Variants in ANGPTL3 observed in about 807,000 individuals in gnomAD.
The protein encoded by ANGPTL3 is angiopoietin like 3.
In ANGPTL3, 51 loss-of-function variants were observed where a neutral mutation model predicts 52.7. The ratio of observed to expected loss-of-function variants is 0.97; its 90% CI spans 0.77 to 1.22. The LOEUF is 1.22. Ranked by LOEUF, ANGPTL3 falls within the 50% of genes most tolerant of loss-of-function variation. The probability of loss-of-function intolerance (pLI) is 0.00; values close to 1 mark genes in which losing one functional copy is unlikely to be tolerated. For synonymous variants in ANGPTL3, 185 were observed against 179.8 expected, an observed-to-expected ratio of 1.03 and a Z score of -0.23; for missense variants, 506 against 520.7, an observed-to-expected ratio of 0.97 and a Z score of 0.27.
In ANGPTL3 at chr1:62,601,094, A is replaced by G. The variant is rs1044281821; in HGVS notation, c.619A>G (p.Ser207Gly). Residue 207 changes from serine to glycine, a missense_variant, in exon 3 of 7, where the codon AGT becomes GGT. Transcript: ENST00000371129. ...KEIENQLRRTSIQEPTEISLS... is the reference protein window; with the variant it reads ...KEIENQLRRTGIQEPTEISLS... ...ATTCTTTTATCAGCTCAGAAGGACT[A>G]GTATTCAAGAACCCACAGAAATTTC... 6.3e-7 allele frequency: 1 copy of G among 1,588,632 alleles called. No individual in the cohort carries two copies. The highest frequency in any genetic ancestry group is 1.3e-5 in the African/African-American group (1 of 74,462).
At position 62,604,007 on chromosome 1, in the gene ANGPTL3, G is replaced by C. The variant is rs777157926; in HGVS notation, c.970G>C (p.Val324Leu). The change falls in exon 6 of 7, where the codon GTG becomes CTG. Residue 324 changes from valine to leucine, a missense_variant. By Grantham distance (32) the Val-to-Leu change is conservative. Coordinates refer to ENST00000371129, the MANE Select transcript of ANGPTL3 (RefSeq NM_014495.4). ...WLGLEKIYSI[V>L]KQSNYVLRIE... The stretch of plus-strand genomic sequence containing the variant: ...GGGCCTAGAGAAGATATACTCCATA[G>C]TGAAGCAATCTAATTATGTTTTACG... 1 of 1,613,002 alleles carries C rather than the reference G, an allele frequency of 6.2e-7. No homozygotes were observed. The highest frequency in any genetic ancestry group is 8.5e-7 in the Non-Finnish European group (1 of 1,179,240).
chr1:62,601,893 T>TCTAA lies in ANGPTL3; in HGVS notation c.835+12_835+15dup. On this transcript the variant is annotated intron_variant, in intron 4 of 6. Coordinates refer to ENST00000371129, the MANE Select transcript of ANGPTL3 (RefSeq NM_014495.4). ...GTGATGTTATATCAGGTAAAACCTG[T>TCTAA]CTAAGGAGAATAGACAGTAGTTAGT... 2 of 1,557,856 alleles carry TCTAA rather than the reference T, an allele frequency of 1.3e-6. No individual in the cohort carries two copies. Among genetic ancestry groups the TCTAA allele is most frequent in the Non-Finnish European group, 1.8e-6 (2 of 1,130,480 alleles).
At chr1:62,598,154 T>G in intron 1 of ANGPTL3, 93 bp downstream of exon 1, 1 of 1,181,390 alleles carries the variant, frequency 8.5e-7, no homozygotes, top group Non-Finnish European at 1.1e-6. Flanking sequence ...AAATACTTTG[T>G]TGCATTGTTG....
Position 62,603,998 on chromosome 1 carries a change from T to C in ANGPTL3, c.961T>C (p.Tyr321His), listed in dbSNP as rs747725081. Residue 321 changes from tyrosine (Y) to histidine (H), a missense_variant, in exon 6 of 7, where the codon TAC (tyrosine) becomes CAC (histidine). Coordinates refer to ENST00000371129, the MANE Select transcript of ANGPTL3 (RefSeq NM_014495.4). ...ATTTTGGTTGGGCCTAGAGAAGATATACTCCATAGTGAAGCAATCTAATTA... is the reference window on the plus strand; with the variant it reads ...ATTTTGGTTGGGCCTAGAGAAGATACACTCCATAGTGAAGCAATCTAATTA... ...GEFWLGLEKI[Y>H]SIVKQSNYVL... 6.2e-6 allele frequency: 10 copies of C among 1,613,058 alleles called. No homozygotes were observed. In the East Asian group the frequency reaches 1.3e-4, roughly 22 times the overall value.
chr1:62,602,172 T>C (rs1322255923), intron 4 of ANGPTL3, 113 bp from the exon 5 acceptor site: 7 of 854,674 alleles, frequency 8.2e-6, no homozygotes, highest in African/African-American at 6.8e-5. Flanking sequence ...TGCCATAACA[T>C]TAATAAACTA....
At position 62,598,565 on chromosome 1, in the gene ANGPTL3, G is replaced by C. The variant is rs1224577954; in HGVS notation, c.496-131G>C. ...TGCTATTTGAAAGAAGCATACAAGG[G>C]GAAGGAATTGCCAATATTCATTTTT... On this transcript the variant is annotated intron_variant, in intron 1 of 6. Coordinates refer to ENST00000371129, the MANE Select transcript of ANGPTL3 (RefSeq NM_014495.4). 3 of 658,772 alleles carry C rather than the reference G, an allele frequency of 4.6e-6. No homozygotes were observed. The East Asian group carries it at 8.4e-5, about 18-fold the overall frequency. The allele number at this position is 658,772 out of a possible 1,614,324, so 40.8% of individuals were successfully genotyped here.
At chr1:62,598,596 C>A in intron 1 of ANGPTL3, 100 bp from the exon 2 acceptor site, 2 of 705,536 alleles carry the variant, frequency 2.8e-6, no homozygotes, top group Non-Finnish European at 5.1e-6. Context: ...TTTTTCAAAT[C>A]CATTATTAGT....
At position 62,601,807 on chromosome 1, in the gene ANGPTL3, G is replaced by A; in HGVS notation, c.760G>A (p.Glu254Lys). ...AECTTIYNRG[E>K]HTSGMYAIRP... ...ATGTACCACCATTTATAACAGAGGT[G>A]AACATACAAGTGGCATGTATGCCAT... The change falls in exon 4 of 7, where the codon GAA becomes AAA. Residue 254 changes from glutamate (E) to lysine (K), a missense_variant. Glu to Lys is a moderately conservative substitution (Grantham distance 56, BLOSUM62 1). Transcript: ENST00000371129. The A allele has an allele frequency of 6.2e-7, 1 of 1,609,914 alleles. No homozygotes were observed. The highest frequency in any genetic ancestry group is 1.7e-4 in the Middle Eastern group (1 of 6,042).
chr1:62,598,377 A>T (rs1033754617), intron 1 of ANGPTL3, among the ~76,000 whole-genome samples: 5 of 152,174 alleles, frequency 3.3e-5, no homozygotes, highest in Admixed American at 6.6e-5. Context: ...GTTAAAAAAA[A>T]TTTAAAACTA....
At chr1:62,598,617 A>G in intron 1 of ANGPTL3, 79 bp from the exon 2 acceptor site, 1 of 776,880 alleles carries the variant, frequency 1.3e-6, no homozygotes, top group Non-Finnish European at 2.3e-6. Context: ...TTAAAAATTT[A>G]GATTATGATA....
chr1:62,603,983 G>A lies in ANGPTL3; in HGVS notation c.946G>A (p.Gly316Ser), dbSNP rs1254686966. 3 of 1,612,764 alleles carry A rather than the reference G, an allele frequency of 1.9e-6. No individual in the cohort carries two copies. The highest frequency in any genetic ancestry group is 1.7e-5 in the Admixed American group (1 of 59,900). Residue 316 changes from glycine to serine, a missense_variant, in exon 6 of 7, where the codon GGC (glycine) becomes AGC (serine). Transcript: ENST00000371129. ...TTTCTTTTCAGGAGAATTTTGGTTG[G>A]GCCTAGAGAAGATATACTCCATAGT... ...FGRLDGEFWL[G>S]LEKIYSIVKQ...
At position 62,605,594 on chromosome 1, in the gene ANGPTL3, T is replaced by A. The variant is rs553280756; in HGVS notation, c.*777T>A. The A allele has an allele frequency of 3.9e-5, 6 of 152,536 alleles. No individual in the cohort carries two copies. The South Asian group carries it at 8.3e-4, about 21-fold the overall frequency. The allele number at this position is 152,536 out of a possible 1,614,324, so 9.4% of individuals were successfully genotyped here. On this transcript the variant is annotated 3_prime_UTR_variant, in exon 7 of 7. Transcript: ENST00000371129. The stretch of plus-strand genomic sequence containing the variant: ...ATAATTGTAAAGGAATCTTGTCAGA[T>A]TACAGTAAGAATGAACATATTTGTG...
intron 6 of ANGPTL3, 55 bp from the exon 7 acceptor site, chr1:62,604,572 TACAGTA>T (rs1408382713): frequency 4.9e-5 from 74 of 1,511,772 alleles, no homozygotes; most frequent in Non-Finnish European, 6.3e-5. Context: ...TACGGGGAAA[TACAGTA>T]ACAGTAACTA....
intron 2 of ANGPTL3, 37 bp downstream of exon 2, chr1:62,598,843 C>T (rs1649686148): frequency 7.9e-7 from 1 of 1,265,008 alleles, no homozygotes; most frequent in African/African-American, 1.5e-5. Flanking sequence ...CCATCTTTCA[C>T]ACAGGTCTGT....
intron 4 of ANGPTL3, 96 bp from the exon 5 acceptor site, chr1:62,602,189 A>G: frequency 9.8e-7 from 1 of 1,020,566 alleles, no homozygotes; most frequent in South Asian, 1.4e-5. Flanking sequence ...ACTACCTTAC[A>G]AAACCACCAA....
chr1:62,604,790 T>C lies in ANGPTL3; in HGVS notation c.1356T>C (p.His452=). Residue 452 remains histidine, a synonymous_variant, in exon 7 of 7, where the codon CAT becomes CAC. Coordinates refer to ENST00000371129, the MANE Select transcript of ANGPTL3 (RefSeq NM_014495.4). Reference sequence around the variant, plus strand: ...TAAAATCAACCAAAATGTTGATCCATCCAACAGATTCAGAAAGCTTTGAAT... The same window carrying C: ...TAAAATCAACCAAAATGTTGATCCACCCAACAGATTCAGAAAGCTTTGAAT... ...YSIKSTKMLI[H]PTDSESFE The C allele has an allele frequency of 1.2e-6, 2 of 1,613,000 alleles. No homozygotes were observed. Among genetic ancestry groups the C allele is most frequent in the South Asian group, 2.2e-5 (2 of 91,052 alleles).
At chr1:62,600,897 C>T in intron 2 of ANGPTL3, 185 bp from the exon 3 acceptor site, 8 of 503,372 alleles carry the variant, frequency 1.6e-5, no homozygotes, top group South Asian at 5.9e-5. Context: ...AAATAATGTC[C>T]CTGATTAAAT....
At position 62,597,664 on chromosome 1, in the gene ANGPTL3, C is replaced by T; in HGVS notation, c.98C>T (p.Pro33Leu). The T allele has an allele frequency of 6.2e-7, 1 of 1,613,388 alleles. No individual in the cohort carries two copies. Among genetic ancestry groups the T allele is most frequent in the Non-Finnish European group, 8.5e-7 (1 of 1,179,642 alleles). Reference sequence around the variant, plus strand: ...TCATTTGATTCTCTATCTCCAGAGCCAAAATCAAGATTTGCTATGTTAGAC... The same window carrying T: ...TCATTTGATTCTCTATCTCCAGAGCTAAAATCAAGATTTGCTATGTTAGAC... ...NSSFDSLSPE[P>L]KSRFAMLDDV... The change falls in exon 1 of 7, where the codon CCA becomes CTA. Residue 33 changes from proline to leucine, a missense_variant. Coordinates refer to ENST00000371129, the MANE Select transcript of ANGPTL3 (RefSeq NM_014495.4).
chr1:62,603,670 G>A (rs1350099734), intron 5 of ANGPTL3, among the ~76,000 whole-genome samples: 4 of 151,642 alleles, frequency 2.6e-5, no homozygotes, highest in African/African-American at 7.3e-5. Flanking sequence ...TACCAATGAC[G>A]AGACTTTAAA....
Sources: gnomAD v4.1 joint callset for allele counts (sites outside exome capture counted in the v4.1 genomes callset) on GRCh38, gnomAD v4.1.1 for gene constraint, MANE v1.5 for transcripts, NCBI Gene and HGNC (gene_info 2026-07-23, HGNC 2026-07-21) for gene names.